CIITA: variants seen among roughly 807,000 people sequenced by gnomAD.
The protein encoded by CIITA is class II major histocompatibility complex transactivator.
CIITA carries 72 observed loss-of-function variants against 115.1 expected under a neutral mutation model. That is an observed-to-expected ratio of 0.63 (90% confidence interval 0.52 to 0.76). The LOEUF is 0.76. Ranked by LOEUF, CIITA falls within the 30% of genes least tolerant of loss-of-function variation. The pLI is 0.00. For synonymous variants in CIITA, 763 were observed against 635.6 expected (o/e 1.20, Z -3.02); for missense variants, 1,617 against 1,463.8 (o/e 1.10, Z -1.71).
At position 10,932,408 on chromosome 16, in the gene CIITA, A is replaced by C. The variant is rs369934601; in HGVS notation, c.*8553A>C. On this transcript the variant is annotated 3_prime_UTR_variant, in exon 20 of 20. Transcript: ENST00000324288. ...TAGGACCATCATCCCTGCATTTCAC[A>C]TGGAGCTCAGAGAGGTTAAGCAAGC... 1 of 152,312 alleles carries C rather than the reference A, an allele frequency of 6.6e-6. No individual in the cohort carries two copies. The highest frequency in any genetic ancestry group is 1.9e-4 in the East Asian group (1 of 5,178). The allele number at this position is 152,312 out of a possible 1,614,324, so 9.4% of individuals were successfully genotyped here. A position where few individuals can be genotyped will look rare whatever the true frequency, so the allele number is the denominator to read the frequency against.
chr16:10,901,523 A>G lies in CIITA; in HGVS notation c.446A>G (p.Glu149Gly), dbSNP rs773558566. The change falls in exon 6 of 20, where the codon GAG becomes GGG. Residue 149 changes from glutamate (E) to glycine (G), a missense_variant. By Grantham distance (98) the Glu-to-Gly change is moderately conservative. Transcript: ENST00000324288. This position sits in a 1 kb window ranked among gnomAD's most constrained non-coding sequence, Gnocchi z 6.8. ...CATGTTTTCTCTGCAGCCTTCCCAG[A>G]GGAGCTTCCGGCAGACCTGAAGCAC... The part of the protein sequence containing the change: ...GQKSQKRPFP[E>G]ELPADLKHWK... The G allele has an allele frequency of 6.2e-7, 1 of 1,614,040 alleles. No homozygotes were observed. The highest frequency in any genetic ancestry group is 8.5e-7 in the Non-Finnish European group (1 of 1,180,014).
At position 10,923,471 on chromosome 16, in the gene CIITA, A is replaced by G; in HGVS notation, c.*22+146A>G. On this transcript the variant is annotated intron_variant, in intron 19 of 19. Coordinates refer to ENST00000324288, the MANE Select transcript of CIITA (RefSeq NM_000246.4). The surrounding 1 kb of genome is among the most constrained non-coding windows in gnomAD (Gnocchi z 5.2). Reference sequence around the variant, plus strand: ...CATGCGTCATCAGAGACATCCCCTCATCTCCACCCTGGGCTCGGTGGAGCT... The same window carrying G: ...CATGCGTCATCAGAGACATCCCCTCGTCTCCACCCTGGGCTCGGTGGAGCT... 1 of 671,396 alleles carries G rather than the reference A, an allele frequency of 1.5e-6. No homozygotes were observed. Among genetic ancestry groups the G allele is most frequent in the Non-Finnish European group, 2.7e-6 (1 of 373,412 alleles). The allele number at this position is 671,396 out of a possible 1,614,324, so 41.6% of individuals were successfully genotyped here.
At chr16:10,909,541 A>G (rs147633275) in intron 12 of CIITA, among the ~76,000 whole-genome samples, 81 of 152,278 alleles carry the variant, frequency 5.3e-4, no homozygotes, top group African/African-American at 1.7e-3. Flanking sequence ...TGTTGTCCCA[A>G]ATTTATAGAC....
intron 16 of CIITA, among the ~76,000 whole-genome samples, chr16:10,919,424 T>A (rs887003688): frequency 1.3e-5 from 2 of 152,206 alleles, no homozygotes; most frequent in African/African-American, 4.8e-5. Flanking sequence ...CTCAAACTCC[T>A]GATCTCAGGT....
intron 1 of CIITA, among the ~76,000 whole-genome samples, chr16:10,891,341 C>T (rs990379014): frequency 1.3e-5 from 2 of 152,092 alleles, no homozygotes; most frequent in Non-Finnish European, 2.9e-5. Context: ...AAGTCACGTC[C>T]TTCCCGGGGT....
intron 1 of CIITA, among the ~76,000 whole-genome samples, chr16:10,868,644 G>C (rs1046306425): frequency 1.3e-5 from 2 of 152,180 alleles, no homozygotes; most frequent in African/African-American, 4.8e-5. Flanking sequence ...TGGGGGAGAA[G>C]CCAGAACCTT....
chr16:10,889,131 C>T (rs1052659490), intron 1 of CIITA, among the ~76,000 whole-genome samples: 1 of 152,168 alleles, frequency 6.6e-6, no homozygotes, highest in South Asian at 2.1e-4. Context: ...GGGATACAGT[C>T]CCTGCCCTCA....
At chr16:10,877,117 T>G (rs2035900142), upstream of CIITA, 3 of 631,000 alleles carry the variant, frequency 4.8e-6, no homozygotes, top group Non-Finnish European at 5.7e-6. Flanking sequence ...TGGGGCCACC[T>G]TGCAGGGAGA....
rs1263554056 is a variant in CIITA, at chr16:10,906,767, C to A, written c.1275C>A (p.Gly425=). The A allele has an allele frequency of 2.5e-6, 4 of 1,611,278 alleles. No homozygotes were observed. Among genetic ancestry groups the A allele is most frequent in the African/African-American group, 1.3e-5 (1 of 75,048 alleles). Residue 425 remains glycine (G), a synonymous_variant, in exon 11 of 20, where the codon GGC becomes GGA. Transcript: ENST00000324288. ...VIAVLGKAGQ[G]KSYWAGAVSR... is the part of the protein sequence containing the mutation. ...CTGTGCTGGGCAAAGCTGGTCAGGGCAAGAGCTATTGGGCTGGGGCAGTGA... is the reference window on the plus strand; with the variant it reads ...CTGTGCTGGGCAAAGCTGGTCAGGGAAAGAGCTATTGGGCTGGGGCAGTGA...
At chr16:10,872,960 T>C (rs970346102), upstream of CIITA, among the ~76,000 whole-genome samples, 1 of 152,196 alleles carries the variant, frequency 6.6e-6, no homozygotes, top group Non-Finnish European at 1.5e-5. Flanking sequence ...GAATAGTGTA[T>C]CTTCTATTTT....
In CIITA at chr16:10,933,985, C is replaced by G. The variant is rs2040911707; in HGVS notation, c.*10130C>G. 2 of 152,362 alleles carry G rather than the reference C, an allele frequency of 1.3e-5. No homozygotes were observed. Among genetic ancestry groups the G allele is most frequent in the South Asian group, 4.1e-4 (2 of 4,828 alleles). The allele number at this position is 152,362 out of a possible 1,614,324, so 9.4% of individuals were successfully genotyped here. A position where few individuals can be genotyped will look rare whatever the true frequency, so the allele number is the denominator to read the frequency against. On this transcript the variant is annotated 3_prime_UTR_variant, in exon 20 of 20. Coordinates refer to ENST00000324288, the MANE Select transcript of CIITA (RefSeq NM_000246.4). ...AGACGGCAAAGGAGAAGCTGCCTGT[C>G]TCTGCACAGGTCCATGTCCCTGAGG...
chr16:10,912,394 G>A (rs186142570), intron 13 of CIITA, among the ~76,000 whole-genome samples: 19 of 152,282 alleles, frequency 1.2e-4, no homozygotes, highest in African/African-American at 2.9e-4. Context: ...GATTACAGGT[G>A]TAAGCCACCA....
intron 1 of CIITA, among the ~76,000 whole-genome samples, chr16:10,890,523 G>A (rs1258481773): frequency 6.6e-6 from 1 of 152,194 alleles, no homozygotes; most frequent in African/African-American, 2.4e-5. Flanking sequence ...CTGGACTGAG[G>A]TGATACTCCT....
At position 10,898,926 on chromosome 16, in the gene CIITA, G is replaced by A. The variant is rs2144414379; in HGVS notation, c.360G>A (p.Lys120=). 6.2e-7 allele frequency: 1 copy of A among 1,613,912 alleles called. No homozygotes were observed. Among genetic ancestry groups the A allele is most frequent in the Non-Finnish European group, 8.5e-7 (1 of 1,179,982 alleles). Residue 120 remains lysine (K), a splice_region_variant and synonymous_variant, in exon 5 of 20, where the codon AAG becomes AAA. Transcript: ENST00000324288. ...GGTCTCTGGTTTTTCTCAAAGTAGA[G>A]CACATAGGACCAGATGAAGTGATCG... is the stretch of plus-strand genomic sequence containing the variant. The part of the protein sequence containing the change: ...QLEGLSKDIF[K]HIGPDEVIGE...
chr16:10,888,655 G>A (rs150483181), intron 1 of CIITA: 2 of 152,372 alleles, frequency 1.3e-5, no homozygotes, highest in Admixed American at 6.5e-5. Context: ...ATATTTTCTC[G>A]AGTTGGATGT....
In CIITA at chr16:10,915,616, A is replaced by G. The variant is rs1035273831; in HGVS notation, c.2935A>G (p.Ile979Val). The G allele has an allele frequency of 6.2e-6, 10 of 1,613,936 alleles. No homozygotes were observed. The highest frequency in any genetic ancestry group is 8.5e-6 in the Non-Finnish European group (10 of 1,180,012). Residue 979 changes from isoleucine to valine, a missense_variant, in exon 14 of 20, where the codon ATC becomes GTC. Coordinates refer to ENST00000324288, the MANE Select transcript of CIITA (RefSeq NM_000246.4). ...GPQAFPKLVR[I>V]LTAFSSLQHL... ...CCAGGCTTTCCCCAAACTGGTGCGG[A>G]TCCTCACGGCCTTTTCCTCCCTGCA... is the stretch of plus-strand genomic sequence containing the variant.
Position 10,907,394 on chromosome 16 carries a change from C to T in CIITA, c.1902C>T (p.Pro634=). 1.9e-6 allele frequency: 3 copies of T among 1,613,322 alleles called. No homozygotes were observed. Among genetic ancestry groups the T allele is most frequent in the Admixed American group, 1.7e-5 (1 of 60,018 alleles). Residue 634 remains proline, a synonymous_variant, in exon 11 of 20, where the codon CCC becomes CCT. Coordinates refer to ENST00000324288, the MANE Select transcript of CIITA (RefSeq NM_000246.4). This position sits in a 1 kb window ranked among gnomAD's most constrained non-coding sequence, Gnocchi z 5.0. ...LLELGEDAKL[P]STLTGLYVGL... is the part of the protein sequence containing the mutation. ...AGCTTGGGGAGGACGCCAAGCTGCC[C>T]TCCACGCTCACGGGACTCTATGTCG...
chr16:10,891,765 A>G (rs965546718), intron 1 of CIITA, among the ~76,000 whole-genome samples: 1 of 152,036 alleles, frequency 6.6e-6, no homozygotes, highest in Admixed American at 6.6e-5. Context: ...GGAGCATCTC[A>G]CCCCCAACCA....
At chr16:10,912,911 A>G (rs532521620) in intron 13 of CIITA, among the ~76,000 whole-genome samples, 1 of 152,262 alleles carries the variant, frequency 6.6e-6, no homozygotes, top group Non-Finnish European at 1.5e-5. Context: ...TCAGGCTTCT[A>G]CTGTGCCCAG....
Sources: allele counts gnomAD v4.1 joint callset (sites outside exome capture counted in the v4.1 genomes callset), GRCh38; gene constraint gnomAD v4.1.1; non-coding constraint Gnocchi (gnomAD v3.1); transcripts MANE v1.5; gene names NCBI Gene and HGNC (gene_info 2026-07-23, HGNC 2026-07-21).